Variants in RFT1 observed in about 807,000 individuals in gnomAD.
RFT1 encodes RFT1 glycolipid translocator homolog, also known as man(5)GlcNAc(2)-PP-dolichol translocation protein RFT1.
RFT1 carries 43 observed loss-of-function variants against 62.2 expected under a neutral mutation model. That is an observed-to-expected ratio of 0.69 (90% confidence interval 0.54 to 0.89). The LOEUF (loss-of-function observed/expected upper bound fraction) is 0.89. Ranked by LOEUF, RFT1 falls within the 40% of genes least tolerant of loss-of-function variation. The probability of loss-of-function intolerance (pLI) is 0.00; values close to 1 mark genes in which losing one functional copy is unlikely to be tolerated. For missense variants in RFT1, 605 were observed against 649.9 expected (o/e 0.93, Z 0.75); for synonymous variants, 262 against 264.6 (o/e 0.99, Z 0.10).
At chr3:53,094,848 G>A (rs1033307607) in intron 11 of RFT1, among the ~76,000 whole-genome samples, 2 of 152,046 alleles carry the variant, frequency 1.3e-5, no homozygotes, top group African/African-American at 4.8e-5. Context: ...GCTGATGATG[G>A]GGTCCATTGT....
chr3:53,121,618 A>G, intron 5 of RFT1, 81 bp downstream of exon 5: 2 of 1,131,146 alleles, frequency 1.8e-6, no homozygotes, highest in Non-Finnish European at 2.6e-6. Flanking sequence ...GTGAATGCAG[A>G]CCACACGGCG....
the RFT1 span, among the ~76,000 whole-genome samples, chr3:53,075,882 C>T: frequency 2.0e-5 from 3 of 152,128 alleles, no homozygotes; most frequent in East Asian, 5.8e-4. Flanking sequence ...GTGCTGGTGG[C>T]CCTGGGAGGC....
chr3:53,121,546 T>C (rs1701967667), intron 5 of RFT1, among the ~76,000 whole-genome samples, 153 bp downstream of exon 5: 1 of 152,174 alleles, frequency 6.6e-6, no homozygotes. Flanking sequence ...ACCTGGCAGC[T>C]AGAGAAGCAG....
chr3:53,125,540 T>A (rs1702085726), intron 2 of RFT1, among the ~76,000 whole-genome samples: 1 of 152,236 alleles, frequency 6.6e-6, no homozygotes, highest in African/African-American at 2.4e-5. Context: ...CCTCACAAAC[T>A]ACTGAATTTC....
intron 3 of RFT1, among the ~76,000 whole-genome samples, 168 bp from the exon 4 acceptor site, chr3:53,122,731 G>C (rs1463946209): frequency 6.6e-6 from 1 of 151,980 alleles, no homozygotes; most frequent in Non-Finnish European, 1.5e-5. Flanking sequence ...TTATCTCACT[G>C]ACACCTCACA....
At chr3:53,128,006 TA>T (rs976540596) in intron 1 of RFT1, among the ~76,000 whole-genome samples, 5 of 149,350 alleles carry the variant, frequency 3.3e-5, no homozygotes, top group African/African-American at 7.4e-5. Flanking sequence ...ATATGGTTAT[TA>T]AAAAAAAAAT....
chr3:53,119,879 C>G lies in RFT1; in HGVS notation c.696+5G>C, dbSNP rs773843957. ...AATGATAAGAGATAAAAATGTATTACTTACTCCATTTCTTGTAATATTGGG... is the reference window on the plus strand; with the variant it reads ...AATGATAAGAGATAAAAATGTATTAGTTACTCCATTTCTTGTAATATTGGG... On this transcript the variant is annotated splice_donor_5th_base_variant and intron_variant, in intron 6 of 12. Coordinates refer to ENST00000296292, the MANE Select transcript of RFT1 (RefSeq NM_052859.4). The G allele has an allele frequency of 1.2e-6, 2 of 1,604,570 alleles. No homozygotes were observed. Among genetic ancestry groups the G allele is most frequent in the Non-Finnish European group, 1.7e-6 (2 of 1,173,508 alleles).
intron 6 of RFT1, among the ~76,000 whole-genome samples, chr3:53,118,838 C>A (rs979270411): frequency 2.5e-4 from 38 of 152,080 alleles, no homozygotes; most frequent in Non-Finnish European, 3.8e-4. Context: ...AAAGATTATG[C>A]GCCACTCCAC....
chr3:53,124,070 G>C (rs915049186), intron 2 of RFT1, among the ~76,000 whole-genome samples: 1 of 152,240 alleles, frequency 6.6e-6, no homozygotes, highest in Non-Finnish European at 1.5e-5. Flanking sequence ...TTACGTGAAG[G>C]ATAGAAACTG....
chr3:53,103,382 G>GAGGATCTCACAGCACT, intron 10 of RFT1: 3 of 493,532 alleles, frequency 6.1e-6, no homozygotes, highest in Non-Finnish European at 7.9e-6. Flanking sequence ...AACAAGTGCT[G>GAGGATCTCACAGCACT]TGAGATCCTC....
At chr3:53,118,839 G>A (rs574667383) in intron 6 of RFT1, among the ~76,000 whole-genome samples, 8 of 152,170 alleles carry the variant, frequency 5.3e-5, no homozygotes, top group Admixed American at 3.3e-4. Context: ...AAGATTATGC[G>A]CCACTCCACA....
chr3:53,084,791 G>A (rs891336677), downstream of RFT1, among the ~76,000 whole-genome samples: 2 of 152,208 alleles, frequency 1.3e-5, no homozygotes, highest in Admixed American at 6.5e-5. Flanking sequence ...ATAACATTGG[G>A]ACACATTTAT....
chr3:53,102,127 G>A (rs1423366548), intron 10 of RFT1, among the ~76,000 whole-genome samples: 2 of 152,136 alleles, frequency 1.3e-5, no homozygotes, highest in Non-Finnish European at 2.9e-5. Context: ...GGATGATGAC[G>A]TGAAGACAGA....
intron 11 of RFT1, among the ~76,000 whole-genome samples, chr3:53,095,631 C>T (rs1002022950): frequency 8.6e-5 from 13 of 151,674 alleles, no homozygotes; most frequent in African/African-American, 2.9e-4. Context: ...GTGGAAGGAT[C>T]GATTGAGCCT....
chr3:53,125,467 A>G (rs972281293), intron 2 of RFT1, among the ~76,000 whole-genome samples: 8 of 152,018 alleles, frequency 5.3e-5, no homozygotes, highest in Admixed American at 1.3e-4. Context: ...CCATATCCCA[A>G]TTATAAAATC....
chr3:53,075,687 AG>A, the RFT1 span, among the ~76,000 whole-genome samples: 26 of 152,070 alleles, frequency 1.7e-4, no homozygotes, highest in Non-Finnish European at 3.5e-4. Context: ...GTTGCTGGCC[AG>A]GGGCCCCCAG....
At chr3:53,110,527 C>T (rs888767432) in intron 7 of RFT1, among the ~76,000 whole-genome samples, 3 of 152,082 alleles carry the variant, frequency 2.0e-5, no homozygotes, top group Non-Finnish European at 4.4e-5. Context: ...AGGCTGGAAA[C>T]GTGTGTACTC....
intron 3 of RFT1, 78 bp downstream of exon 3, chr3:53,123,646 G>A: frequency 8.8e-7 from 1 of 1,132,960 alleles, no homozygotes; most frequent in South Asian, 1.2e-5. Context: ...TCAGCTTTAG[G>A]CACGTGTTAC....
At chr3:53,095,591 CCTATAGTCTCAG>C (rs1701116474) in intron 11 of RFT1, among the ~76,000 whole-genome samples, 2 of 152,012 alleles carry the variant, frequency 1.3e-5, no homozygotes, top group African/African-American at 4.8e-5. Context: ...GTAGTACACA[CCTATAGTCTCAG>C]CTACTCAGGA....
Sources: allele counts gnomAD v4.1 joint callset (sites outside exome capture counted in the v4.1 genomes callset), GRCh38; gene constraint gnomAD v4.1.1; transcripts MANE v1.5; gene names NCBI Gene and HGNC (gene_info 2026-07-23, HGNC 2026-07-21).